Variants in TXNRD2 observed in about 807,000 individuals in gnomAD.
TXNRD2 encodes thioredoxin reductase 2, mitochondrial.
In TXNRD2, 67 loss-of-function variants were observed where a neutral mutation model predicts 70.8. The ratio of observed to expected loss-of-function variants is 0.95; its 90% confidence interval spans 0.78 to 1.16. TXNRD2 has a LOEUF of 1.16. Among genes scored for constraint, TXNRD2 ranks in the 50% most tolerant of loss-of-function variants. The probability of loss-of-function intolerance (pLI) is 0.00; values close to 1 mark genes in which losing one functional copy is unlikely to be tolerated. For synonymous variants in TXNRD2, 301 were observed against 295.8 expected (o/e 1.02, Z -0.18); for missense variants, 644 against 719.9 (o/e 0.89, Z 1.21).
intron 11 of TXNRD2, chr22:19,887,734 A>G (rs1939093964): frequency 6.6e-6 from 1 of 152,316 alleles, no homozygotes; most frequent in African/African-American, 2.4e-5. Flanking sequence ...ATCTCAGCCA[A>G]CAGAGCTGTG....
chr22:19,909,006 A>G (rs60394271), intron 8 of TXNRD2, among the ~76,000 whole-genome samples: 5,285 of 152,220 alleles, frequency 0.035, 134 homozygotes, highest in South Asian at 0.087. Context: ...GGAGTTTGAG[A>G]CCAGCCTGGC....
chr22:19,881,547 T>A (rs1454099398), intron 12 of TXNRD2, among the ~76,000 whole-genome samples: 1 of 152,204 alleles, frequency 6.6e-6, no homozygotes, highest in Non-Finnish European at 1.5e-5. Flanking sequence ...GGATTTAATG[T>A]TTAAATAAAG....
At chr22:19,922,929 C>T (rs1044734397) in intron 2 of TXNRD2, among the ~76,000 whole-genome samples, 4 of 152,032 alleles carry the variant, frequency 2.6e-5, no homozygotes, top group Admixed American at 6.5e-5. Context: ...TCTCATGATC[C>T]GCCCACCTCG....
At chr22:19,926,845 AG>A (rs1284165868) in intron 2 of TXNRD2, among the ~76,000 whole-genome samples, 1 of 152,202 alleles carries the variant, frequency 6.6e-6, no homozygotes. Flanking sequence ...CCACGGATAT[AG>A]GAAGTAGATT....
intron 8 of TXNRD2, 127 bp downstream of exon 8, chr22:19,911,249 CT>C (rs1206952956): frequency 3.7e-6 from 3 of 806,152 alleles, no homozygotes; most frequent in Non-Finnish European, 6.4e-6. Context: ...AATAACAGGC[CT>C]TTTTTCCTTC....
intron 11 of TXNRD2, among the ~76,000 whole-genome samples, chr22:19,889,551 C>A (rs1363035577): frequency 2.6e-5 from 4 of 152,118 alleles, no homozygotes; most frequent in African/African-American, 9.7e-5. Context: ...GTGGAGGTTG[C>A]GGTGAGCCAG....
At chr22:19,918,045 C>T in intron 5 of TXNRD2, 98 bp downstream of exon 5, 1 of 1,070,672 alleles carries the variant, frequency 9.3e-7, no homozygotes, top group East Asian at 2.4e-5. Context: ...CAGAGCCTGC[C>T]AGAGCATGCT....
chr22:19,937,301 G>A (rs1941567065), intron 1 of TXNRD2, among the ~76,000 whole-genome samples: 1 of 152,216 alleles, frequency 6.6e-6, no homozygotes, highest in Admixed American at 6.5e-5. Context: ...AGGTGTGTAT[G>A]AGAGCTTGGG....
At chr22:19,908,952 C>G (rs1325075385) in intron 8 of TXNRD2, among the ~76,000 whole-genome samples, 1 of 152,110 alleles carries the variant, frequency 6.6e-6, no homozygotes, top group African/African-American at 2.4e-5. Flanking sequence ...CCCCTGTAAT[C>G]CCAGCACTTT....
chr22:19,878,914 TCAGCACCCCTG>T (rs1367515103), intron 14 of TXNRD2, among the ~76,000 whole-genome samples: 2 of 152,104 alleles, frequency 1.3e-5, no homozygotes, highest in Non-Finnish European at 2.9e-5. Flanking sequence ...ACAAAGGCTT[TCAGCACCCCTG>T]AAGGGCTCGA....
chr22:19,910,650 C>T (rs1940363636), intron 8 of TXNRD2, among the ~76,000 whole-genome samples: 1 of 152,218 alleles, frequency 6.6e-6, no homozygotes, highest in Non-Finnish European at 1.5e-5. Flanking sequence ...CTCACTCTCC[C>T]AGGCTGAGCG....
chr22:19,895,275 C>T (rs1601409434), intron 11 of TXNRD2, 132 bp downstream of exon 11: 3 of 1,594,806 alleles, frequency 1.9e-6, no homozygotes, highest in Non-Finnish European at 2.6e-6. Context: ...TCGAGGTGCA[C>T]TGGGGAGCGG....
In TXNRD2 at chr22:19,920,243, T is replaced by C. The variant is rs1940846618; in HGVS notation, c.173-644A>G. ...ACCCAGTTGCCCTCCCAGCCAGCAG[T>C]GTGGCCACCCAGGGCCACAGGTTCT... On this transcript the variant is annotated intron_variant, in intron 2 of 17. Coordinates refer to ENST00000400521, the MANE Select transcript of TXNRD2 (RefSeq NM_006440.5). Among the ~76,000 whole-genome samples the C allele has an allele frequency of 8.5e-5, 13 of 152,314 alleles. 1 individual carries two copies. The South Asian group carries it at 2.3e-3, about 27-fold the overall frequency.
At chr22:19,892,394 A>C (rs940744476) in intron 11 of TXNRD2, among the ~76,000 whole-genome samples, 1 of 152,264 alleles carries the variant, frequency 6.6e-6, no homozygotes, top group Non-Finnish European at 1.5e-5. Flanking sequence ...CTCGGGAAGC[A>C]GGGTCAGAGG....
intron 14 of TXNRD2, among the ~76,000 whole-genome samples, chr22:19,879,186 G>A (rs1432933119): frequency 6.6e-6 from 1 of 152,234 alleles, no homozygotes; most frequent in Non-Finnish European, 1.5e-5. Context: ...CTCGGGGAAG[G>A]CTGGCCTGTC....
intron 11 of TXNRD2, among the ~76,000 whole-genome samples, chr22:19,885,168 G>A (rs1938968368): frequency 6.6e-6 from 1 of 152,224 alleles, no homozygotes; most frequent in Non-Finnish European, 1.5e-5. Context: ...AGATGGGTGT[G>A]ATTTTGCCAG....
intron 8 of TXNRD2, among the ~76,000 whole-genome samples, chr22:19,909,705 CCACACACACCACGCACACACACCACTCA>C (rs1940262191): frequency 7.5e-6 from 1 of 134,194 alleles, no homozygotes; most frequent in African/African-American, 2.8e-5. Context: ...CTCACACACA[CCACACACACCACGCACACACACCACTCA>C]CACACACACC....
At chr22:19,940,690 A>T (rs1676154875) in intron 1 of TXNRD2, among the ~76,000 whole-genome samples, 1 of 152,114 alleles carries the variant, frequency 6.6e-6, no homozygotes, top group Admixed American at 6.5e-5. Context: ...GGACTCCGCC[A>T]GCACGGGTGC....
In TXNRD2 at chr22:19,878,104, A is replaced by T; in HGVS notation, c.1431T>A (p.Phe477Leu). 1.2e-6 allele frequency: 2 copies of T among 1,613,530 alleles called. No individual in the cohort carries two copies. The highest frequency in any genetic ancestry group is 1.7e-6 in the Non-Finnish European group (2 of 1,179,984). Residue 477 changes from phenylalanine to leucine, a missense_variant, in exon 16 of 18, where the codon TTT becomes TTA. Around this residue, in one of 3 missense-constraint regions of TXNRD2, gnomAD observed 566 missense variants for 645.0 expected, o/e 0.88. Transcript: ENST00000400521. ...GPNAGEVTQG[F>L]ALGIKCGASY... The stretch of plus-strand genomic sequence containing the variant: ...TCGGGACTTACTTGATCCCCAGAGC[A>T]AATCCTTGAGTAACTTCGCCTGCGT...
Sources: allele counts gnomAD v4.1 joint callset (sites outside exome capture counted in the v4.1 genomes callset), GRCh38; gene constraint gnomAD v4.1.1; regional missense constraint gnomAD v4.1.1; transcripts MANE v1.5; gene names NCBI Gene and HGNC (gene_info 2026-07-23, HGNC 2026-07-21).